PTPRM: variants seen among roughly 807,000 people sequenced by gnomAD.
PTPRM encodes the protein protein tyrosine phosphatase receptor type M.
PTPRM carries 47 observed loss-of-function variants against 186.7 expected under a neutral mutation model. The ratio of observed to expected loss-of-function variants is 0.25; its 90% CI spans 0.20 to 0.32. The LOEUF is 0.32. Among genes scored for constraint, PTPRM ranks in the 10% least tolerant of loss-of-function variants. The probability of loss-of-function intolerance (pLI) is 1.00; values close to 1 mark genes in which losing one functional copy is unlikely to be tolerated. For synonymous variants in PTPRM, 668 were observed against 674.9 expected (o/e 0.99, Z 0.16); for missense variants, 1,494 against 1,865.0 (o/e 0.80, Z 3.66).
chr18:7,851,330 A>G (rs2046848077), intron 2 of PTPRM, among the ~76,000 whole-genome samples: 1 of 152,176 alleles, frequency 6.6e-6, no homozygotes, highest in Non-Finnish European at 1.5e-5. Context: ...CAAAACTGAC[A>G]TCAAGCCACA....
In PTPRM at chr18:8,387,207, G is replaced by A. The variant is rs1372831979; in HGVS notation, c.4180G>A (p.Gly1394Arg). 13 of 1,613,848 alleles carry A rather than the reference G, an allele frequency of 8.1e-6. No homozygotes were observed. The highest frequency in any genetic ancestry group is 2.7e-5 in the African/African-American group (2 of 74,904). Residue 1394 changes from glycine to arginine, a missense_variant, in exon 31 of 33, where the codon GGG (glycine) becomes AGG (arginine). Physicochemically the swap from Gly to Arg is moderately radical, Grantham distance 125. Coordinates refer to ENST00000580170, the MANE Select transcript of PTPRM (RefSeq NM_001105244.2). ...VDKWQEEYNG[G>R]EGRTVVHCLN... is the part of the protein sequence containing the mutation. ...CAAGTGGCAAGAGGAGTACAATGGC[G>A]GGGAAGGCCGCACGGTTGTGCACTG...
At chr18:8,188,712 T>C (rs987679214) in intron 14 of PTPRM, among the ~76,000 whole-genome samples, 6 of 152,212 alleles carry the variant, frequency 3.9e-5, no homozygotes, top group African/African-American at 1.4e-4. Flanking sequence ...GAGCAAAATA[T>C]AATTTTCTTA....
intron 11 of PTPRM, among the ~76,000 whole-genome samples, chr18:8,091,525 G>A (rs2090725274): frequency 6.6e-6 from 1 of 152,014 alleles, no homozygotes. Context: ...TATCTTAAAT[G>A]GGTAAATCGT....
chr18:7,869,968 G>A (rs2047906332), intron 2 of PTPRM, among the ~76,000 whole-genome samples: 1 of 152,138 alleles, frequency 6.6e-6, no homozygotes, highest in African/African-American at 2.4e-5. Flanking sequence ...GTTAATCTTT[G>A]TAATCTTATG....
chr18:8,383,878 G>A (rs1269427794), intron 29 of PTPRM, among the ~76,000 whole-genome samples: 1 of 152,196 alleles, frequency 6.6e-6, no homozygotes, highest in Non-Finnish European at 1.5e-5. Flanking sequence ...GCCATCTTGA[G>A]TACCTTACAT....
intron 1 of PTPRM, among the ~76,000 whole-genome samples, chr18:7,722,239 G>C (rs1412588659): frequency 1.3e-5 from 2 of 152,064 alleles, no homozygotes; most frequent in Admixed American, 6.5e-5. Context: ...TCATATTGTT[G>C]GAATCATACA....
rs185669657 is a variant in PTPRM at position 8,022,409 on chromosome 18, G to A, written c.1133-47277G>A. On this transcript the variant is annotated intron_variant, in intron 7 of 32. Coordinates refer to ENST00000580170, the MANE Select transcript of PTPRM (RefSeq NM_001105244.2). The stretch of plus-strand genomic sequence containing the variant: ...TGCTCCAGGCAGAGAAGGCATGGAA[G>A]CTTGGAAAGCGTTTTCTAAGTCTTT... Among the ~76,000 whole-genome samples, 28 of 152,334 alleles carry A rather than the reference G, an allele frequency of 1.8e-4. No individual in the cohort carries two copies. The East Asian group carries it at 4.6e-3, about 25-fold the overall frequency.
At chr18:8,105,589 C>T (rs1488925203) in intron 11 of PTPRM, among the ~76,000 whole-genome samples, 1 of 152,202 alleles carries the variant, frequency 6.6e-6, no homozygotes, top group Non-Finnish European at 1.5e-5. Context: ...GCCTAGCCTT[C>T]CCTCCCCTAC....
chr18:8,049,936 CTCCTGACCTTGTGA>C (rs775688029), intron 7 of PTPRM, among the ~76,000 whole-genome samples: 39 of 152,232 alleles, frequency 2.6e-4, no homozygotes, highest in Non-Finnish European at 4.3e-4. Context: ...TGGTCTCAAA[CTCCTGACCTTGTGA>C]TCCACCCACC....
intron 2 of PTPRM, among the ~76,000 whole-genome samples, chr18:7,835,611 A>G (rs1297492412): frequency 1.3e-5 from 2 of 152,138 alleles, no homozygotes; most frequent in Non-Finnish European, 2.9e-5. Context: ...TATGGTGCAG[A>G]ATAAGTTCAA....
rs149754614 is a variant in PTPRM at position 8,338,629 on chromosome 18, T to C, written c.2957-4794T>C. Among the ~76,000 whole-genome samples, 109 of 152,302 alleles carry C rather than the reference T, an allele frequency of 7.2e-4. No individual in the cohort carries two copies. In the East Asian group the frequency reaches 0.019, roughly 27 times the overall value. On this transcript the variant is annotated intron_variant, in intron 22 of 32. Coordinates refer to ENST00000580170, the MANE Select transcript of PTPRM (RefSeq NM_001105244.2). ...TTCCCAGTGCCTCAGTCTCCATCAGTAAAATGGGGGTGAGCAATAGGACCT... is the reference window on the plus strand; with the variant it reads ...TTCCCAGTGCCTCAGTCTCCATCAGCAAAATGGGGGTGAGCAATAGGACCT...
intron 1 of PTPRM, among the ~76,000 whole-genome samples, chr18:7,739,301 G>A (rs924783397): frequency 1.3e-5 from 2 of 152,142 alleles, no homozygotes; most frequent in Non-Finnish European, 2.9e-5. Flanking sequence ...TTTGATGATT[G>A]CTTTCAGTTG....
At chr18:7,697,553 A>G (rs190873726) in intron 1 of PTPRM, among the ~76,000 whole-genome samples, 47 of 152,342 alleles carry the variant, frequency 3.1e-4, no homozygotes, top group African/African-American at 9.4e-4. Context: ...TTCTTGAAGT[A>G]GTACTGAATT....
chr18:7,839,839 G>A (rs2046234584), intron 2 of PTPRM, among the ~76,000 whole-genome samples: 2 of 152,186 alleles, frequency 1.3e-5, no homozygotes, highest in South Asian at 4.1e-4. Context: ...TGCTTGAGAG[G>A]CATGTGGGAG....
At chr18:8,165,319 G>A (rs1044501865) in intron 14 of PTPRM, among the ~76,000 whole-genome samples, 1 of 152,158 alleles carries the variant, frequency 6.6e-6, no homozygotes, top group Non-Finnish European at 1.5e-5. Context: ...CACTTGGCTT[G>A]TCATCAAGTG....
intron 14 of PTPRM, among the ~76,000 whole-genome samples, chr18:8,148,529 A>AT (rs2092933582): frequency 6.6e-6 from 1 of 151,210 alleles, no homozygotes; most frequent in East Asian, 1.9e-4. Flanking sequence ...CATCTATTTG[A>AT]TCTTCTTTCT....
At chr18:7,846,467 G>A (rs1441818241) in intron 2 of PTPRM, among the ~76,000 whole-genome samples, 2 of 152,176 alleles carry the variant, frequency 1.3e-5, no homozygotes, top group East Asian at 3.9e-4. Flanking sequence ...GGATGTTAGG[G>A]TGTTGCTGTG....
intron 1 of PTPRM, among the ~76,000 whole-genome samples, chr18:7,681,976 T>G (rs764340658): frequency 2.3e-4 from 35 of 152,202 alleles, no homozygotes; most frequent in Non-Finnish European, 1.9e-4. Flanking sequence ...TATAACTAAG[T>G]CTGGCACATA....
At chr18:7,797,788 T>C (rs1180272031) in intron 2 of PTPRM, among the ~76,000 whole-genome samples, 2 of 152,148 alleles carry the variant, frequency 1.3e-5, no homozygotes, top group Non-Finnish European at 2.9e-5. Flanking sequence ...CTGCAGTGTT[T>C]CAGGCAATCT....
Sources: gnomAD v4.1 joint callset for allele counts (sites outside exome capture counted in the v4.1 genomes callset) on GRCh38, gnomAD v4.1.1 for gene constraint, MANE v1.5 for transcripts, NCBI Gene and HGNC (gene_info 2026-07-23, HGNC 2026-07-21) for gene names.